The following CACNA1E variants were observed in gnomAD, a reference collection of about 807,000 sequenced individuals.
CACNA1E encodes voltage-dependent R-type calcium channel subunit alpha-1E.
Under a neutral mutation model 259.2 loss-of-function variants are expected in CACNA1E, and 40 were observed. The ratio of observed to expected loss-of-function variants is 0.15; its 90% confidence interval spans 0.12 to 0.20. The LOEUF (loss-of-function observed/expected upper bound fraction) is 0.20. CACNA1E is among the 10% of genes least tolerant of loss of function. The pLI is 1.00. For missense variants in CACNA1E, 1,874 were observed against 3,040.1 expected (o/e 0.62, Z 9.02); for synonymous variants, 1,104 against 1,138.5 (o/e 0.97, Z 0.61).
At chr1:181,387,205 G>A (rs891410768) in intron 1 of CACNA1E, among the ~76,000 whole-genome samples, 1 of 152,102 alleles carries the variant, frequency 6.6e-6, no homozygotes, top group African/African-American at 2.4e-5. Flanking sequence ...GTGGGGTGAG[G>A]TGGAGGGAGT....
chr1:181,489,495 A>G (rs1664131501), intron 1 of CACNA1E, among the ~76,000 whole-genome samples: 1 of 152,212 alleles, frequency 6.6e-6, no homozygotes, highest in Non-Finnish European at 1.5e-5. Flanking sequence ...CTGTCACACA[A>G]CAGAAAGGAA....
intron 38 of CACNA1E, among the ~76,000 whole-genome samples, chr1:181,778,330 C>T (rs1423351578): frequency 6.6e-6 from 1 of 152,140 alleles, no homozygotes; most frequent in Non-Finnish European, 1.5e-5. Flanking sequence ...GCTAAATTAC[C>T]TCCTCTCAAG....
chr1:181,559,094 T>C (rs1649039814), intron 3 of CACNA1E, among the ~76,000 whole-genome samples: 1 of 152,210 alleles, frequency 6.6e-6, no homozygotes, highest in Non-Finnish European at 1.5e-5. Flanking sequence ...AGAAGGCTGT[T>C]GTGCCCAGAT....
chr1:181,693,605 T>C (rs1044146207), intron 7 of CACNA1E, among the ~76,000 whole-genome samples: 11 of 152,142 alleles, frequency 7.2e-5, no homozygotes, highest in African/African-American at 2.6e-4. Flanking sequence ...GCTAAATAAT[T>C]GGGCACTCAT....
At chr1:181,710,841 A>C in intron 7 of CACNA1E, 113 bp from the exon 8 acceptor site, 1 of 742,912 alleles carries the variant, frequency 1.3e-6, no homozygotes. Flanking sequence ...GAAAGGGTAC[A>C]TGGGCTTAAT....
rs765778042 is a variant in CACNA1E, at chr1:181,758,081, C to T, written c.4464C>T (p.Ile1488=). The T allele has an allele frequency of 2.5e-5, 40 of 1,613,714 alleles. No homozygotes were observed. In the Middle Eastern group the frequency reaches 8.2e-4, roughly 33 times the overall value. Residue 1488 remains isoleucine, a synonymous_variant, in exon 31 of 48, where the codon ATC becomes ATT. Transcript: ENST00000367573. The surrounding 1 kb of genome is among the most constrained non-coding windows in gnomAD (Gnocchi z 4.2). ...PSFEYTIMAM[I]ALNTVVLMMK... ...TTGAGTACACCATTATGGCCATGAT[C>T]GCCTTGAATACTGTTGTGCTGATGA...
chr1:181,438,861 G>T (rs1309966625), intron 2 of CACNA1E, among the ~76,000 whole-genome samples: 1 of 152,080 alleles, frequency 6.6e-6, no homozygotes, highest in Admixed American at 6.5e-5. Flanking sequence ...TGTGTACAAA[G>T]ATTTCATTGT....
At chr1:181,397,247 A>G (rs945700517) in intron 1 of CACNA1E, among the ~76,000 whole-genome samples, 2 of 152,190 alleles carry the variant, frequency 1.3e-5, no homozygotes, top group Non-Finnish European at 2.9e-5. Flanking sequence ...ATTCTCTTCT[A>G]TTACTACGTC....
At chr1:181,422,059 G>A (rs537843976) in intron 2 of CACNA1E, among the ~76,000 whole-genome samples, 10 of 152,242 alleles carry the variant, frequency 6.6e-5, no homozygotes, top group East Asian at 3.9e-4. Context: ...GGCTCCTGCC[G>A]TTGCCTGGAA....
intron 32 of CACNA1E, among the ~76,000 whole-genome samples, 199 bp downstream of exon 32, chr1:181,759,067 A>C (rs763275462): frequency 3.2e-4 from 48 of 152,242 alleles, no homozygotes; most frequent in Non-Finnish European, 6.3e-4. Flanking sequence ...AGGAAGCCAC[A>C]GCCATCAGCC....
chr1:181,794,200 C>A (rs564452954), intron 45 of CACNA1E, among the ~76,000 whole-genome samples: 12 of 152,318 alleles, frequency 7.9e-5, no homozygotes, highest in African/African-American at 2.6e-4. Context: ...CATCTCATTT[C>A]TTTGTCTGTT....
rs12564606 is a variant in CACNA1E at position 181,757,894 on chromosome 1, A to T, written c.4330-53A>T. On this transcript the variant is annotated intron_variant, in intron 30 of 47. Coordinates refer to ENST00000367573, the MANE Select transcript of CACNA1E (RefSeq NM_001205293.3). ...TTCTGAGCATGGAACAGAGCCTGCC[A>T]TGGTAGATCTAGGGGATTTGAATTT... 0.26 allele frequency: 406,256 copies of T among 1,583,736 alleles called. 54,004 individuals are homozygous for T. Among genetic ancestry groups the T allele is most frequent in the South Asian group, 0.35 (30,832 of 87,716 alleles).
intron 3 of CACNA1E, among the ~76,000 whole-genome samples, chr1:181,536,127 AT>A (rs1668154300): frequency 6.6e-6 from 1 of 151,902 alleles, no homozygotes; most frequent in Non-Finnish European, 1.5e-5. Flanking sequence ...TTTTTATGGC[AT>A]TTTAAGATTT....
At chr1:181,609,791 A>G (rs1654575714) in intron 6 of CACNA1E, among the ~76,000 whole-genome samples, 1 of 152,220 alleles carries the variant, frequency 6.6e-6, no homozygotes, top group Admixed American at 6.5e-5. Flanking sequence ...AGATGACTAA[A>G]CTAAGGCTGA....
At chr1:181,680,105 C>CA (rs56198008) in intron 7 of CACNA1E, among the ~76,000 whole-genome samples, 48 of 78,500 alleles carry the variant, frequency 6.1e-4, no homozygotes, top group Admixed American at 9.3e-4. Context: ...GACCTTGTCT[C>CA]AAAAAAAAAA....
At chr1:181,447,481 T>C (rs1660863542) in intron 2 of CACNA1E, among the ~76,000 whole-genome samples, 1 of 151,688 alleles carries the variant, frequency 6.6e-6, no homozygotes, top group Non-Finnish European at 1.5e-5. Flanking sequence ...CAGTGAGATA[T>C]GATTGCACCT....
At chr1:181,593,878 A>G (rs942647214) in intron 6 of CACNA1E, among the ~76,000 whole-genome samples, 5 of 152,200 alleles carry the variant, frequency 3.3e-5, no homozygotes, top group Non-Finnish European at 5.9e-5. Context: ...TAGACCTGAC[A>G]TTCATCTGTG....
chr1:181,424,283 A>C (rs899067057), intron 2 of CACNA1E, among the ~76,000 whole-genome samples: 8 of 152,202 alleles, frequency 5.3e-5, no homozygotes, highest in African/African-American at 1.9e-4. Flanking sequence ...AACTGACACA[A>C]TTTGGGTGAT....
At chr1:181,408,098 G>T (rs979461026) in intron 1 of CACNA1E, among the ~76,000 whole-genome samples, 2 of 152,162 alleles carry the variant, frequency 1.3e-5, no homozygotes, top group Non-Finnish European at 1.5e-5. Flanking sequence ...GTGCTTGGTG[G>T]TCTATGCAGT....
Sources: allele counts gnomAD v4.1 joint callset (sites outside exome capture counted in the v4.1 genomes callset), GRCh38; gene constraint gnomAD v4.1.1; non-coding constraint Gnocchi (gnomAD v3.1); transcripts MANE v1.5; gene names NCBI Gene and HGNC (gene_info 2026-07-23, HGNC 2026-07-21).